Variants in SUSD1 observed in about 807,000 individuals in gnomAD.
The protein encoded by SUSD1 is sushi domain-containing protein 1.
In SUSD1, 65 loss-of-function variants were observed where a neutral mutation model predicts 86.9. The observed-to-expected ratio is 0.75, with a 90% confidence interval of 0.61 to 0.92. The LOEUF is 0.92. SUSD1 is among the 40% of genes least tolerant of loss of function. SUSD1 has a pLI of 0.00. For synonymous variants in SUSD1, 346 were observed against 350.0 expected, an observed-to-expected ratio of 0.99 and a Z score of 0.13; for missense variants, 850 against 929.7, an observed-to-expected ratio of 0.91 and a Z score of 1.11.
At chr9:112,155,040 C>T (rs552867994) in intron 2 of SUSD1, among the ~76,000 whole-genome samples, 209 of 152,134 alleles carry the variant, frequency 1.4e-3, no homozygotes, top group African/African-American at 4.9e-3. Context: ...CACCTGAGGT[C>T]GGGAGTTCAA....
At position 112,167,114 on chromosome 9, in the gene SUSD1, T is replaced by TTC. The variant is rs386415903; in HGVS notation, c.103+8018_103+8019insGA. Among the ~76,000 whole-genome samples, 6 of 4,854 alleles carry TTC rather than the reference T, an allele frequency of 1.2e-3. No homozygotes were observed. The African/African-American group carries it at 0.029, about 24-fold the overall frequency. The allele number at this position is 4,854 out of a possible 152,430, so 3.2% of individuals were successfully genotyped here. A position where few individuals can be genotyped will look rare whatever the true frequency, so the allele number is the denominator to read the frequency against. ...GCAAGTTAAACTGTCAGTTCTCCAA[T>TTC]TTTTTTTTGTCTCCCTCTTTCACCC... On this transcript the variant is annotated intron_variant, in intron 1 of 16. Coordinates refer to ENST00000374270, the MANE Select transcript of SUSD1 (RefSeq NM_022486.5).
At chr9:112,074,486 T>A (rs891929860) in intron 12 of SUSD1, among the ~76,000 whole-genome samples, 19 of 152,104 alleles carry the variant, frequency 1.2e-4, no homozygotes, top group African/African-American at 4.6e-4. Flanking sequence ...CCTCTGTCCC[T>A]CAACATTCCT....
At chr9:112,150,276 C>T (rs1832989002) in intron 2 of SUSD1, among the ~76,000 whole-genome samples, 1 of 152,242 alleles carries the variant, frequency 6.6e-6, no homozygotes, top group African/African-American at 2.4e-5. Flanking sequence ...GCCTAACCCT[C>T]TAATTTAAGA....
chr9:112,072,155 T>TTTTTTTTTTTTTTTTTCTTTTTTTCTC (rs1829309478), intron 12 of SUSD1, among the ~76,000 whole-genome samples: 1 of 140,124 alleles, frequency 7.1e-6, no homozygotes, highest in Non-Finnish European at 1.5e-5. Flanking sequence ...TTTTTTTTTT[T>TTTTTTTTTTTTTTTTTCTTTTTTTCTC]TGTTTTTTTT....
At chr9:112,087,897 C>T (rs1277020691) in intron 10 of SUSD1, among the ~76,000 whole-genome samples, 1 of 152,128 alleles carries the variant, frequency 6.6e-6, no homozygotes, top group Non-Finnish European at 1.5e-5. Flanking sequence ...AAATCTGACC[C>T]ACAACAATCA....
chr9:112,122,236 G>A lies in SUSD1; in HGVS notation c.886+2021C>T, dbSNP rs1210153938. 2.6e-5 allele frequency among the ~76,000 whole-genome samples: 4 copies of A among 152,066 alleles called. No homozygotes were observed. The South Asian group carries it at 6.2e-4, about 24-fold the overall frequency. ...GGCTGGAGTACAGGGATGTGATCTT[G>A]GCTTACGACTGTCTCCTGGGTTCAA... is the stretch of plus-strand genomic sequence containing the variant. On this transcript the variant is annotated intron_variant, in intron 6 of 16. Transcript: ENST00000374270.
chr9:112,119,404 G>C (rs62569081), intron 6 of SUSD1, among the ~76,000 whole-genome samples: 2,159 of 152,302 alleles, frequency 0.014, 16 homozygotes, highest in Non-Finnish European at 0.019. Flanking sequence ...GTGGGCTGGA[G>C]AAGAGGGTCA....
At chr9:112,137,263 G>GGGAGGAGGA (rs145497301) in intron 5 of SUSD1, among the ~76,000 whole-genome samples, 1 of 151,630 alleles carries the variant, frequency 6.6e-6, no homozygotes, top group African/African-American at 2.4e-5. Context: ...AGTGACACAG[G>GGGAGGAGGA]GGAGGAGGAG....
intron 10 of SUSD1, among the ~76,000 whole-genome samples, chr9:112,093,437 G>T (rs1414754285): frequency 6.6e-6 from 1 of 152,116 alleles, no homozygotes; most frequent in Non-Finnish European, 1.5e-5. Flanking sequence ...CTGCTTTTCG[G>T]CCTGAGACTG....
chr9:112,140,532 G>T (rs1589714056), intron 5 of SUSD1, among the ~76,000 whole-genome samples: 1 of 150,084 alleles, frequency 6.7e-6, no homozygotes, highest in Admixed American at 6.7e-5. Flanking sequence ...AAAGAAAAAA[G>T]AAAAGAAAAG....
intron 7 of SUSD1, chr9:112,112,229 T>C (rs956506457): frequency 5.3e-6 from 1 of 187,564 alleles, no homozygotes; most frequent in Non-Finnish European, 1.1e-5. Flanking sequence ...CCCCCACACA[T>C]GCACCCTGCT....
chr9:112,062,264 T>C (rs557882365), intron 13 of SUSD1, among the ~76,000 whole-genome samples: 1 of 152,342 alleles, frequency 6.6e-6, no homozygotes, highest in East Asian at 1.9e-4. Context: ...CCATAAAGGA[T>C]GTACTATGAG....
intron 8 of SUSD1, among the ~76,000 whole-genome samples, chr9:112,107,000 C>T (rs974708044): frequency 6.6e-6 from 1 of 151,860 alleles, no homozygotes; most frequent in Non-Finnish European, 1.5e-5. Context: ...AGCAGTGGCT[C>T]ACACCTGTAA....
intron 6 of SUSD1, among the ~76,000 whole-genome samples, chr9:112,123,366 G>C (rs1311854285): frequency 6.6e-6 from 1 of 152,120 alleles, no homozygotes; most frequent in Non-Finnish European, 1.5e-5. Context: ...CTAAGAGCAA[G>C]AACTCATCAC....
chr9:112,059,844 T>A (rs1828633009), intron 13 of SUSD1, among the ~76,000 whole-genome samples: 1 of 152,212 alleles, frequency 6.6e-6, no homozygotes. Context: ...ATGTTGAGCA[T>A]CTGCTGTCTC....
intron 13 of SUSD1, 102 bp downstream of exon 13, chr9:112,062,835 G>C (rs892290093): frequency 8.1e-5 from 60 of 745,062 alleles, no homozygotes; most frequent in African/African-American, 8.0e-4. Flanking sequence ...AACCACCCAA[G>C]TGCAGCCACC....
rs529470594 is a variant in SUSD1 at position 112,142,961 on chromosome 9, C to CTTTTTT, written c.527-468_527-463dup. Among the ~76,000 whole-genome samples, 48 of 30,214 alleles carry CTTTTTT rather than the reference C, an allele frequency of 1.6e-3. 14 individuals are homozygous for CTTTTTT. Among genetic ancestry groups the CTTTTTT allele is most frequent in the Non-Finnish European group, 2.4e-3 (35 of 14,306 alleles). 19.8% of individuals were successfully genotyped at this position (30,214 alleles called of 152,430 possible). A position where few individuals can be genotyped will look rare whatever the true frequency, so the allele number is the denominator to read the frequency against. The stretch of plus-strand genomic sequence containing the variant: ...AATCCTTTAAGTTTATGAATTTTAG[C>CTTTTTT]TTTTTTTTTTTTTTTTTTTTTTTTT... On this transcript the variant is annotated intron_variant, in intron 4 of 16. Coordinates refer to ENST00000374270, the MANE Select transcript of SUSD1 (RefSeq NM_022486.5).
intron 1 of SUSD1, chr9:112,169,247 A>G (rs1833941030): frequency 6.6e-6 from 1 of 152,040 alleles, no homozygotes; most frequent in African/African-American, 2.4e-5. Context: ...CACCCACCCA[A>G]ATTTAGGACT....
chr9:112,164,848 G>A (rs932747807), intron 1 of SUSD1, among the ~76,000 whole-genome samples: 2 of 152,180 alleles, frequency 1.3e-5, no homozygotes, highest in African/African-American at 2.4e-5. Context: ...GGAGGCTGAG[G>A]CAGAAGAATC....
Sources: gnomAD v4.1 joint callset for allele counts (sites outside exome capture counted in the v4.1 genomes callset) on GRCh38, gnomAD v4.1.1 for gene constraint, MANE v1.5 for transcripts, NCBI Gene and HGNC (gene_info 2026-07-23, HGNC 2026-07-21) for gene names.